The following PAM variants were observed in gnomAD, a reference collection of about 807,000 sequenced individuals.
The protein encoded by PAM is peptidyl-glycine alpha-amidating monooxygenase.
A neutral mutation model predicts 122.1 loss-of-function variants in PAM; 72 were observed. The observed-to-expected ratio is 0.59, with a 90% CI of 0.49 to 0.72. PAM has a LOEUF of 0.72. Ranked by LOEUF, PAM falls within the 30% of genes least tolerant of loss-of-function variation. PAM has a pLI of 0.00. For missense variants in PAM, 1,106 were observed against 1,183.7 expected (o/e 0.93, Z 0.96); for synonymous variants, 389 against 404.4 (o/e 0.96, Z 0.46).
At chr5:102,925,956 T>A (rs1253284290) in intron 6 of PAM, among the ~76,000 whole-genome samples, 2 of 152,208 alleles carry the variant, frequency 1.3e-5, no homozygotes, top group Non-Finnish European at 1.5e-5. Flanking sequence ...GACATTTTTG[T>A]AGATACCTCT....
At chr5:103,021,846 T>C (rs1056426285) in intron 23 of PAM, among the ~76,000 whole-genome samples, 2 of 152,176 alleles carry the variant, frequency 1.3e-5, no homozygotes, top group African/African-American at 2.4e-5. Context: ...TCAGACTTAA[T>C]AGCCTTGTAG....
chr5:102,831,064 C>T (rs563364024), intron 1 of PAM, among the ~76,000 whole-genome samples: 1 of 79,570 alleles, frequency 1.3e-5, no homozygotes, highest in East Asian at 4.7e-4. Flanking sequence ...ATTTTGGTCA[C>T]TTGGAGGCCA....
intron 15 of PAM, among the ~76,000 whole-genome samples, chr5:102,979,030 T>TCACA (rs10578523): frequency 6.6e-4 from 97 of 147,922 alleles, no homozygotes; most frequent in Non-Finnish European, 1.2e-3. Context: ...TTATTCTGCA[T>TCACA]CACACACACA....
At chr5:102,803,146 A>AAGGAAGGAAGGAAGG in intron 1 of PAM, among the ~76,000 whole-genome samples, 1 of 133,604 alleles carries the variant, frequency 7.5e-6, no homozygotes, top group Non-Finnish European at 1.6e-5. Flanking sequence ...AGAAAGAAAG[A>AAGGAAGGAAGGAAGG]AAGGAAGGAA....
At chr5:102,787,181 T>A (rs1022920553) in intron 1 of PAM, among the ~76,000 whole-genome samples, 1 of 152,158 alleles carries the variant, frequency 6.6e-6, no homozygotes, top group Non-Finnish European at 1.5e-5. Flanking sequence ...TTTACCATCC[T>A]TATTTTTCAA....
chr5:102,887,943 C>T (rs970658182), intron 3 of PAM, among the ~76,000 whole-genome samples: 7 of 151,962 alleles, frequency 4.6e-5, no homozygotes, highest in Admixed American at 1.3e-4. Context: ...TCCTGTTCCC[C>T]GCATCCTCCA....
intron 1 of PAM, among the ~76,000 whole-genome samples, chr5:102,827,173 A>G (rs1773910284): frequency 1.3e-5 from 2 of 152,218 alleles, no homozygotes; most frequent in Non-Finnish European, 2.9e-5. Flanking sequence ...GACAATATGC[A>G]TTGAGCATTC....
chr5:102,760,419 G>A (rs1177439009), intron 1 of PAM, among the ~76,000 whole-genome samples: 3 of 152,164 alleles, frequency 2.0e-5, no homozygotes, highest in South Asian at 2.1e-4. Flanking sequence ...GATTTCGTTA[G>A]CCTGCAAGTA....
chr5:102,845,394 G>T (rs1779721843), intron 1 of PAM, among the ~76,000 whole-genome samples: 2 of 152,152 alleles, frequency 1.3e-5, no homozygotes, highest in Non-Finnish European at 2.9e-5. Context: ...GAGAAAACAA[G>T]AGTCAAAGCA....
At chr5:102,868,886 AATTGATT>A (rs1377383682) in intron 3 of PAM, among the ~76,000 whole-genome samples, 18 of 152,228 alleles carry the variant, frequency 1.2e-4, no homozygotes, top group African/African-American at 4.3e-4. Context: ...ATCTTAGAGG[AATTGATT>A]ATAAAAAGTC....
intron 18 of PAM, 143 bp downstream of exon 18, chr5:103,005,369 T>TCTTA: frequency 3.1e-6 from 2 of 637,868 alleles, no homozygotes; most frequent in Non-Finnish European, 5.7e-6. Context: ...AGCAGCCATG[T>TCTTA]CTTAGTTCAG....
chr5:103,003,715 T>G (rs1002782424), intron 17 of PAM, among the ~76,000 whole-genome samples: 1 of 152,116 alleles, frequency 6.6e-6, no homozygotes, highest in Non-Finnish European at 1.5e-5. Flanking sequence ...TCTTACATAC[T>G]TGATTAAGTG....
intron 18 of PAM, among the ~76,000 whole-genome samples, 188 bp downstream of exon 18, chr5:103,005,414 T>C (rs1352173715): frequency 1.3e-5 from 2 of 152,212 alleles, no homozygotes; most frequent in East Asian, 3.8e-4. Context: ...CTGGGTGGCT[T>C]ATACACAACA....
chr5:102,874,478 T>A lies in PAM; in HGVS notation c.210+7085T>A, dbSNP rs182509567. On this transcript the variant is annotated intron_variant, in intron 3 of 25. Transcript: ENST00000438793. ...TTGAACTATTAACAATGTTTTTTTT[T>A]AATAATAGAAACATGCTACATATCT... 2.7e-3 allele frequency among the ~76,000 whole-genome samples: 349 copies of A among 127,986 alleles called. 1 individual carries two copies. Among genetic ancestry groups the A allele is most frequent in the Middle Eastern group, 8.1e-3 (2 of 246 alleles). 84.0% of individuals were successfully genotyped at this position (127,986 alleles called of 152,430 possible). A position where few individuals can be genotyped will look rare whatever the true frequency, so the allele number is the denominator to read the frequency against.
chr5:102,855,442 A>G (rs372115564), intron 1 of PAM, among the ~76,000 whole-genome samples: 2 of 152,326 alleles, frequency 1.3e-5, no homozygotes, highest in East Asian at 3.9e-4. Flanking sequence ...ATCATTTGAA[A>G]ATACAACTAT....
intron 7 of PAM, among the ~76,000 whole-genome samples, chr5:102,935,011 A>G (rs1752792494): frequency 6.6e-6 from 1 of 152,188 alleles, no homozygotes; most frequent in Admixed American, 6.5e-5. Flanking sequence ...CTTTAAAATA[A>G]TCTTCTCTTC....
intron 1 of PAM, among the ~76,000 whole-genome samples, chr5:102,781,059 C>G (rs1456048130): frequency 6.6e-6 from 1 of 151,894 alleles, no homozygotes; most frequent in African/African-American, 2.4e-5. Context: ...GGTTTAAAAG[C>G]ACTACTCTGA....
chr5:102,947,769 A>T (rs1757502344), intron 8 of PAM, among the ~76,000 whole-genome samples: 2 of 152,184 alleles, frequency 1.3e-5, no homozygotes, highest in Admixed American at 1.3e-4. Context: ...TGAATGTCAC[A>T]GCTAGGAATC....
At chr5:102,898,189 C>T (rs779645639) in intron 3 of PAM, among the ~76,000 whole-genome samples, 9 of 151,504 alleles carry the variant, frequency 5.9e-5, no homozygotes, top group Non-Finnish European at 1.2e-4. Context: ...GATTCAGATT[C>T]GGCTGATGTG....
Sources: allele counts gnomAD v4.1 joint callset (sites outside exome capture counted in the v4.1 genomes callset), GRCh38; gene constraint gnomAD v4.1.1; transcripts MANE v1.5; gene names NCBI Gene and HGNC (gene_info 2026-07-23, HGNC 2026-07-21).